The following WWOX variants were observed in gnomAD, a reference collection of about 807,000 sequenced individuals.
The protein encoded by WWOX is WW domain containing oxidoreductase, also known as WW domain-containing oxidoreductase.
In WWOX, 69 loss-of-function variants were observed where a neutral mutation model predicts 46.2. The ratio of observed to expected loss-of-function variants is 1.49; its 90% CI spans 1.23 to 1.82. WWOX has a LOEUF of 1.82. Ranked by LOEUF, WWOX falls within the 40% of genes most tolerant of loss-of-function variation. The probability of loss-of-function intolerance (pLI) is 0.00; values close to 1 mark genes in which losing one functional copy is unlikely to be tolerated. For missense variants in WWOX, 919 were observed against 542.6 expected (o/e 1.69, Z -6.89); for synonymous variants, 359 against 202.6 (o/e 1.77, Z -6.56).
intron 8 of WWOX, among the ~76,000 whole-genome samples, chr16:78,443,639 C>A (rs1170426104): frequency 6.6e-6 from 1 of 152,126 alleles, no homozygotes; most frequent in Non-Finnish European, 1.5e-5. Context: ...ACTATCTGGC[C>A]TTAGTATGTG....
chr16:79,182,465 G>A (rs1196181594), intron 8 of WWOX, among the ~76,000 whole-genome samples: 1 of 152,048 alleles, frequency 6.6e-6, no homozygotes, highest in East Asian at 1.9e-4. Flanking sequence ...GGCTTTTGGT[G>A]TAAGAACTCT....
intron 8 of WWOX, among the ~76,000 whole-genome samples, chr16:78,619,154 T>A (rs374943721): frequency 0.52 from 868 of 1,658 alleles, 248 homozygotes; most frequent in Non-Finnish European, 0.6. Context: ...TATATATATA[T>A]ATATATATAT....
At chr16:78,120,993 T>TC (rs955695516) in intron 4 of WWOX, among the ~76,000 whole-genome samples, 3 of 152,104 alleles carry the variant, frequency 2.0e-5, no homozygotes, top group African/African-American at 4.8e-5. Context: ...TTTTTTTTTT[T>TC]CTAGTTATTC....
intron 8 of WWOX, among the ~76,000 whole-genome samples, chr16:78,477,363 G>A (rs188578495): frequency 3.3e-5 from 5 of 152,140 alleles, no homozygotes; most frequent in Admixed American, 1.3e-4. Context: ...TCCAGAGCCT[G>A]TGGTTCTACT....
At chr16:78,560,229 A>T (rs893723819) in intron 8 of WWOX, among the ~76,000 whole-genome samples, 1 of 152,178 alleles carries the variant, frequency 6.6e-6, no homozygotes, top group African/African-American at 2.4e-5. Flanking sequence ...TTGATTCTGA[A>T]ATCTGTTTGG....
intron 8 of WWOX, among the ~76,000 whole-genome samples, chr16:78,698,771 A>C (rs751708937): frequency 1.3e-5 from 2 of 152,134 alleles, no homozygotes; most frequent in Non-Finnish European, 2.9e-5. Flanking sequence ...AGGCCTGGAG[A>C]TCAAGGCTGC....
chr16:78,532,344 C>T (rs1294113365), intron 8 of WWOX, among the ~76,000 whole-genome samples: 1 of 152,136 alleles, frequency 6.6e-6, no homozygotes, highest in Non-Finnish European at 1.5e-5. Flanking sequence ...CTCTTACTTG[C>T]TTTGTGGCTT....
At chr16:78,275,672 G>A (rs1224811935) in intron 5 of WWOX, among the ~76,000 whole-genome samples, 4 of 152,220 alleles carry the variant, frequency 2.6e-5, no homozygotes, top group African/African-American at 9.6e-5. Context: ...GGAATGGATG[G>A]TGGAGAAGGG....
chr16:78,488,569 C>G (rs2084697459), intron 8 of WWOX, among the ~76,000 whole-genome samples: 2 of 152,142 alleles, frequency 1.3e-5, no homozygotes, highest in East Asian at 1.9e-4. Context: ...TACCTGGAGC[C>G]TGGGTCCTCA....
intron 8 of WWOX, among the ~76,000 whole-genome samples, chr16:79,042,949 C>T (rs1040614982): frequency 2.6e-4 from 39 of 152,000 alleles, no homozygotes; most frequent in African/African-American, 7.7e-4. Context: ...CTATGGATGC[C>T]CTCATTTCTC....
intron 8 of WWOX, among the ~76,000 whole-genome samples, chr16:78,471,778 TAAC>T (rs1443411445): frequency 2.6e-5 from 4 of 152,320 alleles, no homozygotes; most frequent in Non-Finnish European, 2.9e-5. Context: ...ATCAAAATAA[TAAC>T]GATGATTTTT....
chr16:78,225,608 G>C (rs2037027617), intron 5 of WWOX, among the ~76,000 whole-genome samples: 1 of 152,020 alleles, frequency 6.6e-6, no homozygotes, highest in South Asian at 2.1e-4. Context: ...AATTCATTGA[G>C]GATTTGTTTT....
intron 8 of WWOX, among the ~76,000 whole-genome samples, chr16:79,197,459 C>G (rs2051262887): frequency 6.6e-6 from 1 of 151,778 alleles, no homozygotes; most frequent in African/African-American, 2.4e-5. Context: ...CAAACCCACC[C>G]CCTGCACTGC....
At chr16:79,058,820 T>A (rs2048311029) in intron 8 of WWOX, among the ~76,000 whole-genome samples, 1 of 152,348 alleles carries the variant, frequency 6.6e-6, no homozygotes, top group African/African-American at 2.4e-5. Flanking sequence ...AAAATTCAAA[T>A]TTCAATGAAG....
At chr16:78,704,047 C>T (rs998989042) in intron 8 of WWOX, among the ~76,000 whole-genome samples, 2 of 152,080 alleles carry the variant, frequency 1.3e-5, no homozygotes, top group Admixed American at 1.3e-4. Context: ...TCCAAGTGAA[C>T]TTGATTCTTA....
intron 8 of WWOX, among the ~76,000 whole-genome samples, chr16:79,032,424 G>A (rs1427855725): frequency 6.8e-6 from 1 of 146,344 alleles, no homozygotes; most frequent in Admixed American, 6.9e-5. Flanking sequence ...TACATATTAT[G>A]TTGAGAGTGT....
At position 78,115,056 on chromosome 16, in the gene WWOX, G is replaced by A. The variant is rs199625891; in HGVS notation, c.311G>A (p.Arg104Gln). The A allele has an allele frequency of 2.8e-5, 46 of 1,614,126 alleles. No homozygotes were observed. In the Admixed American group the frequency reaches 3.7e-4, roughly 13 times the overall value. The change falls in exon 4 of 9, where the codon CGG becomes CAG. Residue 104 changes from arginine to glutamine, a missense_variant. Coordinates refer to ENST00000566780, the MANE Select transcript of WWOX (RefSeq NM_016373.4). ...VDDNPTKPTT[R>Q]QRYDGSTTAM... is the part of the protein sequence containing the mutation. ...GATAATCCGACCAAGCCAACCACCC[G>A]GCAAAGATACGACGGCAGCACCACT...
At chr16:78,514,923 G>C (rs1016181305) in intron 8 of WWOX, among the ~76,000 whole-genome samples, 1 of 152,136 alleles carries the variant, frequency 6.6e-6, no homozygotes, top group Non-Finnish European at 1.5e-5. Context: ...GCCATGGTCT[G>C]TGTTTTGAGA....
chr16:78,129,968 G>T (rs190281940), intron 4 of WWOX: 4 of 152,006 alleles, frequency 2.6e-5, no homozygotes, highest in African/African-American at 9.7e-5. Flanking sequence ...GGAGATAATT[G>T]AATCATGCTG....
Sources: allele counts gnomAD v4.1 joint callset (sites outside exome capture counted in the v4.1 genomes callset), GRCh38; gene constraint gnomAD v4.1.1; transcripts MANE v1.5; gene names NCBI Gene and HGNC (gene_info 2026-07-23, HGNC 2026-07-21).